Variants in IGSF11 observed in about 807,000 individuals in gnomAD.
IGSF11 encodes the protein immunoglobulin superfamily member 11.
IGSF11 carries 22 observed loss-of-function variants against 41.0 expected under a neutral mutation model. The observed-to-expected ratio is 0.54, with a 90% CI of 0.38 to 0.77. The LOEUF (loss-of-function observed/expected upper bound fraction) is 0.77. Among genes scored for constraint, IGSF11 ranks in the 30% least tolerant of loss-of-function variants. IGSF11 has a pLI of 0.00. For missense variants in IGSF11, 444 were observed against 530.8 expected (o/e 0.84, Z 1.61); for synonymous variants, 219 against 201.3 (o/e 1.09, Z -0.74).
chr3:119,122,018 A>T (rs1352599393), intron 1 of IGSF11, among the ~76,000 whole-genome samples: 2 of 152,254 alleles, frequency 1.3e-5, no homozygotes, highest in Non-Finnish European at 2.9e-5. Context: ...AGAAGGTTGC[A>T]CTAATTGTCC....
chr3:119,078,929 A>G (rs1183004591), intron 1 of IGSF11, among the ~76,000 whole-genome samples: 2 of 152,228 alleles, frequency 1.3e-5, no homozygotes, highest in East Asian at 1.9e-4. Flanking sequence ...GTGAACGGAC[A>G]TTTCTCAAAA....
At chr3:118,962,498 T>C (rs1031608486) in intron 1 of IGSF11, among the ~76,000 whole-genome samples, 3 of 152,140 alleles carry the variant, frequency 2.0e-5, no homozygotes, top group African/African-American at 7.2e-5. Flanking sequence ...GAGAGGTCAC[T>C]GGTGGGACCA....
At chr3:118,997,534 C>T (rs1174677246) in intron 1 of IGSF11, among the ~76,000 whole-genome samples, 1 of 144,532 alleles carries the variant, frequency 6.9e-6, no homozygotes. Context: ...CTGCCCCCCC[C>T]CAGCCACACC....
At chr3:119,111,483 T>C (rs1263439132) in intron 1 of IGSF11, among the ~76,000 whole-genome samples, 2 of 152,224 alleles carry the variant, frequency 1.3e-5, no homozygotes, top group Non-Finnish European at 2.9e-5. Context: ...ATTCTAGTCA[T>C]ATATTCATCT....
chr3:119,018,638 G>A (rs1938986261), intron 1 of IGSF11, among the ~76,000 whole-genome samples: 1 of 152,044 alleles, frequency 6.6e-6, no homozygotes, highest in Non-Finnish European at 1.5e-5. Context: ...TTCTTCACTT[G>A]GAAATAGGAC....
intron 1 of IGSF11, among the ~76,000 whole-genome samples, chr3:119,055,538 C>T (rs1941797490): frequency 6.6e-6 from 1 of 152,296 alleles, no homozygotes; most frequent in South Asian, 2.1e-4. Context: ...TTTAACAACC[C>T]ACTGTCAACA....
At chr3:119,070,867 T>C (rs532137626) in intron 1 of IGSF11, among the ~76,000 whole-genome samples, 30 of 152,326 alleles carry the variant, frequency 2.0e-4, no homozygotes, top group African/African-American at 7.2e-4. Flanking sequence ...CAGGAGGCTC[T>C]GAACACAACA....
intron 1 of IGSF11, among the ~76,000 whole-genome samples, chr3:119,086,927 G>C (rs1302402908): frequency 6.6e-6 from 1 of 152,052 alleles, no homozygotes; most frequent in Non-Finnish European, 1.5e-5. Context: ...ACATAAATGG[G>C]CCAAAAGCCC....
intron 4 of IGSF11, among the ~76,000 whole-genome samples, chr3:118,914,498 C>T (rs892172015): frequency 1.3e-5 from 2 of 151,496 alleles, no homozygotes; most frequent in South Asian, 2.1e-4. Flanking sequence ...GGGTGACGGA[C>T]GCACCTGGAA....
chr3:119,114,452 T>C (rs1183461354), intron 1 of IGSF11, among the ~76,000 whole-genome samples: 3 of 152,178 alleles, frequency 2.0e-5, no homozygotes, highest in Non-Finnish European at 4.4e-5. Context: ...AAATCATCCT[T>C]CTCAAGGTCA....
At chr3:118,942,815 A>G (rs1278245472) in intron 1 of IGSF11, among the ~76,000 whole-genome samples, 1 of 152,170 alleles carries the variant, frequency 6.6e-6, no homozygotes, top group African/African-American at 2.4e-5. Flanking sequence ...GAAGACCAAC[A>G]GGCTTCCTGT....
chr3:119,074,381 G>A (rs529316794), intron 1 of IGSF11, among the ~76,000 whole-genome samples: 14 of 152,110 alleles, frequency 9.2e-5, no homozygotes, highest in East Asian at 5.8e-4. Flanking sequence ...ATATGATTAC[G>A]TGGAAATTAA....
At chr3:118,906,059 C>A (rs752077079) in intron 4 of IGSF11, among the ~76,000 whole-genome samples, 2 of 152,160 alleles carry the variant, frequency 1.3e-5, no homozygotes, top group African/African-American at 2.4e-5. Context: ...AATTCTAGTT[C>A]TGAGGAACTG....
chr3:119,126,261 G>A (rs999403453), intron 1 of IGSF11, among the ~76,000 whole-genome samples: 4 of 152,252 alleles, frequency 2.6e-5, no homozygotes, highest in Non-Finnish European at 5.9e-5. Context: ...GCAGTCAGCA[G>A]CCAGAGTGCC....
intron 6 of IGSF11, among the ~76,000 whole-genome samples, chr3:118,903,586 T>C (rs1939192740): frequency 6.6e-6 from 1 of 152,170 alleles, no homozygotes; most frequent in African/African-American, 2.4e-5. Flanking sequence ...TCAGTAATCT[T>C]ATCCTGGGGT....
At chr3:118,905,470 CA>C (rs1451389369) in intron 5 of IGSF11, 125 bp downstream of exon 5, 3 of 1,027,768 alleles carry the variant, frequency 2.9e-6, no homozygotes, top group Non-Finnish European at 4.2e-6. Context: ...TAATTAAAAC[CA>C]AAACAATTTC....
intron 1 of IGSF11, among the ~76,000 whole-genome samples, chr3:119,111,173 T>C (rs2077151226): frequency 6.6e-6 from 1 of 152,216 alleles, no homozygotes; most frequent in African/African-American, 2.4e-5. Flanking sequence ...CTGGATAATA[T>C]CCTGCAGAGT....
At chr3:119,040,176 G>T (rs577902455) in intron 1 of IGSF11, among the ~76,000 whole-genome samples, 1 of 152,262 alleles carries the variant, frequency 6.6e-6, no homozygotes, top group Non-Finnish European at 1.5e-5. Flanking sequence ...ACCCTGCACA[G>T]GATGGATGGA....
chr3:118,908,684 C>G (rs1939901836), intron 4 of IGSF11, among the ~76,000 whole-genome samples: 1 of 152,220 alleles, frequency 6.6e-6, no homozygotes, highest in Non-Finnish European at 1.5e-5. Flanking sequence ...TGTTTTAGTT[C>G]ATAGCAACTA....
Sources: allele counts gnomAD v4.1 joint callset (sites outside exome capture counted in the v4.1 genomes callset), GRCh38; gene constraint gnomAD v4.1.1; transcripts MANE v1.5; gene names NCBI Gene and HGNC (gene_info 2026-07-23, HGNC 2026-07-21).